Variants in FEZF2 observed in about 807,000 individuals in gnomAD.
FEZF2 encodes fez family zinc finger protein 2.
A neutral mutation model predicts 32.8 loss-of-function variants in FEZF2; 2 were observed. That is an observed-to-expected ratio of 0.06 (90% CI 0.02 to 0.19). FEZF2 has a LOEUF of 0.19. Among genes scored for constraint, FEZF2 ranks in the 10% least tolerant of loss-of-function variants. The pLI, the probability that FEZF2 is intolerant of heterozygous loss-of-function variation, is 1.00. For missense variants in FEZF2, 516 were observed against 625.4 expected, an observed-to-expected ratio of 0.83 and a Z score of 1.87; for synonymous variants, 322 against 284.8, an observed-to-expected ratio of 1.13 and a Z score of -1.32.
At chr3:62,371,746 T>C in intron 2 of FEZF2, 79 bp from the exon 3 acceptor site, 1 of 1,532,064 alleles carries the variant, frequency 6.5e-7, no homozygotes, top group African/African-American at 1.4e-5. Context: ...ACAGCCTACC[T>C]CCCCCAACCA....
At position 62,372,035 on chromosome 3, in the gene FEZF2, G is replaced by A. The variant is rs1704277519; in HGVS notation, c.834C>T (p.Thr278=). The part of the protein sequence containing the change: ...GSADGKPKNF[T]CEVCGKVFNA... Reference sequence around the variant, plus strand: ...GCCTCACCTTGCCGCACACCTCGCAGGTGAAGTTTTTGGGCTTGCCATCTG... The same window carrying A: ...GCCTCACCTTGCCGCACACCTCGCAAGTGAAGTTTTTGGGCTTGCCATCTG... Residue 278 remains threonine (T), a synonymous_variant, in exon 2 of 5, where the codon ACC becomes ACT. Transcript: ENST00000283268. This position sits in a 1 kb window ranked among gnomAD's most constrained non-coding sequence, Gnocchi z 9.6. 2 of 1,607,200 alleles carry A rather than the reference G, an allele frequency of 1.2e-6. No individual in the cohort carries two copies. The highest frequency in any genetic ancestry group is 1.3e-5 in the African/African-American group (1 of 75,028).
At position 62,372,279 on chromosome 3, in the gene FEZF2, T is replaced by C. The variant is rs1239303293; in HGVS notation, c.590A>G (p.Asn197Ser). 7 of 1,598,626 alleles carry C rather than the reference T, an allele frequency of 4.4e-6. No homozygotes were observed. Among genetic ancestry groups the C allele is most frequent in the Middle Eastern group, 1.7e-4 (1 of 6,060 alleles). The change falls in exon 2 of 5, where the codon AAT becomes AGT. Residue 197 changes from asparagine to serine, a missense_variant. Around this residue, in one of 3 missense-constraint regions of FEZF2, gnomAD observed 408 missense variants for 382.2 expected, o/e 1.07. Transcript: ENST00000283268. The surrounding 1 kb of genome is among the most constrained non-coding windows in gnomAD (Gnocchi z 9.6). ...AGCCAGGGCGGCGGGGGCCTGCGCA[T>C]TGAGGAGGCCAGACGGGAAGAGGTG... ...SGHLFPSGLL[N>S]AQAPAALAAH... is the part of the protein sequence containing the mutation.
chr3:62,372,529 C>G lies in FEZF2; in HGVS notation c.340G>C (p.Gly114Arg). ...GGGGGGGGGG[G>R]GGGAPVCGAS... ...CCGCACACTGGGGCCCCCCCGCCGC[C>G]GCCGCCGCCACCGCCGCCGCCGCCT... Residue 114 changes from glycine (G) to arginine (R), a missense_variant, in exon 2 of 5, where the codon GGC becomes CGC. Around this residue, in one of 3 missense-constraint regions of FEZF2, gnomAD observed 408 missense variants for 382.2 expected, o/e 1.07. Coordinates refer to ENST00000283268, the MANE Select transcript of FEZF2 (RefSeq NM_018008.4). This position sits in a 1 kb window ranked among gnomAD's most constrained non-coding sequence, Gnocchi z 9.6. 7.7e-7 allele frequency: 1 copy of G among 1,303,394 alleles called. No homozygotes were observed. The highest frequency in any genetic ancestry group is 9.7e-7 in the Non-Finnish European group (1 of 1,026,492). 80.7% of individuals were successfully genotyped at this position (1,303,394 alleles called of 1,614,324 possible).
Position 62,369,731 on chromosome 3 carries a change from A to G in FEZF2, c.*352T>C. 1 of 249,680 alleles carries G rather than the reference A, an allele frequency of 4.0e-6. No homozygotes were observed. The highest frequency in any genetic ancestry group is 7.7e-6 in the Non-Finnish European group (1 of 129,416). 15.5% of individuals were successfully genotyped at this position (249,680 alleles called of 1,614,324 possible). ...TATATTCCGTGTTCGCTTGTACAGG[A>G]GGATTTACATGGCTGTATAAAGATG... On this transcript the variant is annotated 3_prime_UTR_variant, in exon 5 of 5. Coordinates refer to ENST00000283268, the MANE Select transcript of FEZF2 (RefSeq NM_018008.4). The surrounding 1 kb of genome is among the most constrained non-coding windows in gnomAD (Gnocchi z 4.2).
chr3:62,371,363 C>A lies in FEZF2; in HGVS notation c.988-14G>T, dbSNP rs542915561. The stretch of plus-strand genomic sequence containing the variant: ...ATGTGGCTTTTCCTGAGGAAAGGGG[C>A]GAGTGCACAGTAAGGAGAGGCCACC... On this transcript the variant is annotated splice_polypyrimidine_tract_variant and intron_variant, in intron 3 of 4. Coordinates refer to ENST00000283268, the MANE Select transcript of FEZF2 (RefSeq NM_018008.4). The A allele has an allele frequency of 2.5e-6, 4 of 1,611,510 alleles. No individual in the cohort carries two copies. In the East Asian group the frequency reaches 8.9e-5, roughly 36 times the overall value.
At position 62,372,152 on chromosome 3, in the gene FEZF2, C is replaced by A; in HGVS notation, c.717G>T (p.Pro239=). The stretch of plus-strand genomic sequence containing the variant: ...CCTTCAGTACCTGCTCCAGCGGCGC[C>A]GGCAAGCGCTCCTTATGGGGATAGG... ...PAPYPHKERL[P]APLEQVLKEN... Residue 239 remains proline, a synonymous_variant, in exon 2 of 5, where the codon CCG becomes CCT. Transcript: ENST00000283268. This position sits in a 1 kb window ranked among gnomAD's most constrained non-coding sequence, Gnocchi z 9.6. 6.3e-7 allele frequency: 1 copy of A among 1,590,416 alleles called. No individual in the cohort carries two copies. The highest frequency in any genetic ancestry group is 8.6e-7 in the Non-Finnish European group (1 of 1,167,822).
At position 62,372,251 on chromosome 3, in the gene FEZF2, A is replaced by G; in HGVS notation, c.618T>C (p.Ala206=). The G allele has an allele frequency of 6.3e-7, 1 of 1,582,418 alleles. No individual in the cohort carries two copies. Among genetic ancestry groups the G allele is most frequent in the East Asian group, 2.3e-5 (1 of 43,470 alleles). ...TCTCCAGCAGAAAGAGCTTGGGGTG[A>G]GCAGCCAGGGCGGCGGGGGCCTGCG... ...LNAQAPAALA[A]HPKLFLLENA... The change falls in exon 2 of 5, where the codon GCT becomes GCC. Residue 206 remains alanine, a synonymous_variant. Transcript: ENST00000283268. This position sits in a 1 kb window ranked among gnomAD's most constrained non-coding sequence, Gnocchi z 9.6.
chr3:62,370,436 CA>C lies in FEZF2; in HGVS notation c.1121-95del, dbSNP rs760760044. ...CCCAGGGGCAGCCCAGGTGCCTGCT[CA>C]AAAAAGGCGACGCTTGGCTAGGCGG... is the stretch of plus-strand genomic sequence containing the variant. On this transcript the variant is annotated intron_variant, in intron 4 of 4. Coordinates refer to ENST00000283268, the MANE Select transcript of FEZF2 (RefSeq NM_018008.4). The surrounding 1 kb of genome is among the most constrained non-coding windows in gnomAD (Gnocchi z 4.2). 7.3e-7 allele frequency: 1 copy of C among 1,365,152 alleles called. No homozygotes were observed. Among genetic ancestry groups the C allele is most frequent in the Non-Finnish European group, 1.0e-6 (1 of 991,606 alleles). 84.6% of individuals were successfully genotyped at this position (1,365,152 alleles called of 1,614,324 possible).
chr3:62,372,006 C>CT lies in FEZF2; in HGVS notation c.852+10dup. 6.2e-7 allele frequency: 1 copy of CT among 1,600,584 alleles called. No homozygotes were observed. The highest frequency in any genetic ancestry group is 8.5e-7 in the Non-Finnish European group (1 of 1,178,970). ...CCCTCCCGGCCCCCCTCGCCGAACC[C>CT]TGGGCCTCACCTTGCCGCACACCTC... is the stretch of plus-strand genomic sequence containing the variant. On this transcript the variant is annotated intron_variant, in intron 2 of 4. Transcript: ENST00000283268. The surrounding 1 kb of genome is among the most constrained non-coding windows in gnomAD (Gnocchi z 9.6).
chr3:62,370,103 T>G lies in FEZF2; in HGVS notation c.1360A>C (p.Thr454Pro), dbSNP rs780468998. The change falls in exon 5 of 5, where the codon ACT (threonine) becomes CCT (proline). Residue 454 changes from threonine (T) to proline (P), a missense_variant. This residue lies in a region of FEZF2 where 29 missense variants were observed against 23.8 expected (regional missense o/e 1.22). Coordinates refer to ENST00000283268, the MANE Select transcript of FEZF2 (RefSeq NM_018008.4). This position sits in a 1 kb window ranked among gnomAD's most constrained non-coding sequence, Gnocchi z 4.2. ...GPAAPSAKDLTRTVQS is the reference protein window; with the variant it reads ...GPAAPSAKDLPRTVQS Reference sequence around the variant, plus strand: ...AGCTCTCAGCTCTGCACTGTCCTAGTCAGGTCCTTTGCGGAGGGGGCAGCA... The same window carrying G: ...AGCTCTCAGCTCTGCACTGTCCTAGGCAGGTCCTTTGCGGAGGGGGCAGCA... 6.2e-7 allele frequency: 1 copy of G among 1,614,166 alleles called. No individual in the cohort carries two copies. Among genetic ancestry groups the G allele is most frequent in the Non-Finnish European group, 8.5e-7 (1 of 1,180,018 alleles).
rs755085624 is a variant in FEZF2, at chr3:62,370,369, TG to T, written c.1121-28del. On this transcript the variant is annotated intron_variant, in intron 4 of 4. Coordinates refer to ENST00000283268, the MANE Select transcript of FEZF2 (RefSeq NM_018008.4). The surrounding 1 kb of genome is among the most constrained non-coding windows in gnomAD (Gnocchi z 4.2). ...TACAACAGATCAAGAACAAAAAACG[TG>T]GGGGTATGGAGTAGAATGGTGGGGA... The T allele has an allele frequency of 3.1e-6, 5 of 1,610,686 alleles. No homozygotes were observed. The highest frequency in any genetic ancestry group is 3.3e-5 in the Admixed American group (2 of 59,910).
rs1168633640 is a variant in FEZF2, at chr3:62,372,017, C to T, written c.852G>A (p.Lys284=). 1 of 1,603,362 alleles carries T rather than the reference C, an allele frequency of 6.2e-7. No individual in the cohort carries two copies. Among genetic ancestry groups the T allele is most frequent in the Non-Finnish European group, 8.5e-7 (1 of 1,179,280 alleles). ...CCCCTCGCCGAACCCTGGGCCTCAC[C>T]TTGCCGCACACCTCGCAGGTGAAGT... is the stretch of plus-strand genomic sequence containing the variant. ...PKNFTCEVCG[K]VFNAHYNLTR... Residue 284 remains lysine (K), a splice_region_variant and synonymous_variant, in exon 2 of 5, where the codon AAG becomes AAA. Coordinates refer to ENST00000283268, the MANE Select transcript of FEZF2 (RefSeq NM_018008.4). This position sits in a 1 kb window ranked among gnomAD's most constrained non-coding sequence, Gnocchi z 9.6.
In FEZF2 at chr3:62,371,665, C is replaced by G. The variant is rs1704270793; in HGVS notation, c.855G>C (p.Val285=). The change falls in exon 3 of 5, where the codon GTG becomes GTC. Residue 285 remains valine (V), a splice_region_variant and synonymous_variant. Coordinates refer to ENST00000283268, the MANE Select transcript of FEZF2 (RefSeq NM_018008.4). ...GGGTGAGATTATAGTGAGCGTTAAA[C>G]ACCTATGGAAAGACATGGGGGGCCT... ...KNFTCEVCGK[V]FNAHYNLTRH... The G allele has an allele frequency of 6.2e-7, 1 of 1,610,860 alleles. No homozygotes were observed. Among genetic ancestry groups the G allele is most frequent in the Non-Finnish European group, 8.5e-7 (1 of 1,178,270 alleles).
Position 62,370,864 on chromosome 3 carries a change from T to C in FEZF2, c.1120+353A>G, listed in dbSNP as rs1704259470. On this transcript the variant is annotated intron_variant, in intron 4 of 4. Coordinates refer to ENST00000283268, the MANE Select transcript of FEZF2 (RefSeq NM_018008.4). The surrounding 1 kb of genome is among the most constrained non-coding windows in gnomAD (Gnocchi z 4.2). ...TCTTAGATTGTTCCCGGGAGGGTTA[T>C]TTTGCCTCCAATATTTTTCATTTGA... Among the ~76,000 whole-genome samples the C allele has an allele frequency of 6.6e-6, 1 of 152,224 alleles. No homozygotes were observed. The highest frequency in any genetic ancestry group is 1.5e-5 in the Non-Finnish European group (1 of 68,036).
Position 62,372,544 on chromosome 3 carries a change from C to CGCT in FEZF2, c.324_325insAGC (p.Gly108_Gly109insSer). 7.5e-7 allele frequency: 1 copy of CGCT among 1,336,354 alleles called. No individual in the cohort carries two copies. Among genetic ancestry groups the CGCT allele is most frequent in the Non-Finnish European group, 9.6e-7 (1 of 1,045,152 alleles). The allele number at this position is 1,336,354 out of a possible 1,614,324, so 82.8% of individuals were successfully genotyped here. A position where few individuals can be genotyped will look rare whatever the true frequency, so the allele number is the denominator to read the frequency against. Reference sequence around the variant, plus strand: ...CCCCCGCCGCCGCCGCCGCCACCGCCGCCGCCGCCTCCGCCGCCGCCCGCC... The same window carrying CGCT: ...CCCCCGCCGCCGCCGCCGCCACCGCCGCTGCCGCCGCCTCCGCCGCCGCCCGCC... On this transcript the variant is annotated inframe_insertion, in exon 2 of 5. Transcript: ENST00000283268. The surrounding 1 kb of genome is among the most constrained non-coding windows in gnomAD (Gnocchi z 9.6).
intron 2 of FEZF2, 125 bp downstream of exon 2, chr3:62,371,892 C>T: frequency 6.9e-7 from 1 of 1,440,288 alleles, no homozygotes; most frequent in Non-Finnish European, 9.1e-7. Context: ...AACGAGGCTC[C>T]CAGTTTGGGT....
chr3:62,370,504 C>A lies in FEZF2; in HGVS notation c.1121-162G>T, dbSNP rs1322108354. Among the ~76,000 whole-genome samples, 1 of 152,214 alleles carries A rather than the reference C, an allele frequency of 6.6e-6. No homozygotes were observed. Among genetic ancestry groups the A allele is most frequent in the African/African-American group, 2.4e-5 (1 of 41,456 alleles). ...TGAAGAAGTTGTCAAACTTCGTAAG[C>A]GTCAAGCCGGGTGCTCTCCCGACAA... On this transcript the variant is annotated intron_variant, in intron 4 of 4. Transcript: ENST00000283268. The surrounding 1 kb of genome is among the most constrained non-coding windows in gnomAD (Gnocchi z 4.2).
rs201688981 is a variant in FEZF2 at position 62,372,554 on chromosome 3, T to G, written c.315A>C (p.Gly105=). Residue 105 remains glycine (G), a synonymous_variant, in exon 2 of 5, where the codon GGA becomes GGC. Coordinates refer to ENST00000283268, the MANE Select transcript of FEZF2 (RefSeq NM_018008.4). This position sits in a 1 kb window ranked among gnomAD's most constrained non-coding sequence, Gnocchi z 9.6. ...CGCCGCCGCCACCGCCGCCGCCGCCTCCGCCGCCGCCCGCCCGGAGGCTGC... is the reference window on the plus strand; with the variant it reads ...CGCCGCCGCCACCGCCGCCGCCGCCGCCGCCGCCGCCCGCCCGGAGGCTGC... ...WKSSLRAGGG[G]GGGGGGGGGG... The G allele has an allele frequency of 8.8e-6, 12 of 1,357,234 alleles. No homozygotes were observed. The Admixed American group carries it at 9.5e-5, about 11-fold the overall frequency. 84.1% of individuals were successfully genotyped at this position (1,357,234 alleles called of 1,614,324 possible). A position where few individuals can be genotyped will look rare whatever the true frequency, so the allele number is the denominator to read the frequency against.
chr3:62,370,301 G>T lies in FEZF2; in HGVS notation c.1162C>A (p.Gln388Lys). The T allele has an allele frequency of 1.2e-6, 2 of 1,614,210 alleles. No homozygotes were observed. Among genetic ancestry groups the T allele is most frequent in the Non-Finnish European group, 1.7e-6 (2 of 1,180,044 alleles). The stretch of plus-strand genomic sequence containing the variant: ...TTGTTGCAGATGGTACATTTGTACT[G>T]CTTCTCGCCGCTGTGGGTCAGCTTG... ...NHKLTHSGEK[Q>K]YKCTICNKAF... Residue 388 changes from glutamine (Q) to lysine (K), a missense_variant, in exon 5 of 5, where the codon CAG (glutamine) becomes AAG (lysine). Around this residue, in one of 3 missense-constraint regions of FEZF2, gnomAD observed 79 missense variants for 219.4 expected, o/e 0.36. Coordinates refer to ENST00000283268, the MANE Select transcript of FEZF2 (RefSeq NM_018008.4). This position sits in a 1 kb window ranked among gnomAD's most constrained non-coding sequence, Gnocchi z 4.2.
Sources: gnomAD v4.1 joint callset for allele counts (sites outside exome capture counted in the v4.1 genomes callset) on GRCh38, gnomAD v4.1.1 for gene constraint, gnomAD v4.1.1 regional missense constraint, Gnocchi (gnomAD v3.1) non-coding constraint, MANE v1.5 for transcripts, NCBI Gene and HGNC (gene_info 2026-07-23, HGNC 2026-07-21) for gene names.